The following TRRAP variants were observed in gnomAD, a reference collection of about 807,000 sequenced individuals.
TRRAP encodes the protein transformation/transcription domain associated protein, also known as transformation/transcription domain-associated protein.
Under a neutral mutation model 438.8 loss-of-function variants are expected in TRRAP, and 41 were observed. That is an observed-to-expected ratio of 0.09 (90% CI 0.07 to 0.12). TRRAP has a LOEUF of 0.12. Ranked by LOEUF, TRRAP falls within the 10% of genes least tolerant of loss-of-function variation. The probability of loss-of-function intolerance (pLI) is 1.00; values close to 1 mark genes in which losing one functional copy is unlikely to be tolerated. For missense variants in TRRAP, 3,122 were observed against 5,055.1 expected, an observed-to-expected ratio of 0.62 and a Z score of 11.60; for synonymous variants, 1,994 against 1,962.9, an observed-to-expected ratio of 1.02 and a Z score of -0.42.
chr7:98,992,275 C>T, intron 65 of TRRAP, 48 bp downstream of exon 65: 1 of 1,593,724 alleles, frequency 6.3e-7, no homozygotes, highest in South Asian at 1.1e-5. Context: ...GGGCTCATTC[C>T]AGGGGGTGCC....
At chr7:98,936,311 G>T (rs1790554312) in intron 28 of TRRAP, among the ~76,000 whole-genome samples, 1 of 152,158 alleles carries the variant, frequency 6.6e-6, no homozygotes, top group African/African-American at 2.4e-5. Flanking sequence ...CATAATACCT[G>T]AGCTAGAAGA....
At chr7:98,929,605 A>G (rs1364738780) in intron 23 of TRRAP, among the ~76,000 whole-genome samples, 2 of 150,216 alleles carry the variant, frequency 1.3e-5, no homozygotes, top group African/African-American at 2.5e-5. Flanking sequence ...TTTTTTTTTT[A>G]ATTTATTTTT....
chr7:99,002,927 C>A (rs185372989), intron 67 of TRRAP, among the ~76,000 whole-genome samples: 1,613 of 152,282 alleles, frequency 0.011, 11 homozygotes, highest in Non-Finnish European at 0.016. Context: ...TTCATCCTTT[C>A]GGGGCAGGTG....
Position 98,910,223 on chromosome 7 carries a change from A to ACC in TRRAP, c.1519_1520dup (p.Pro508LeufsTer13), listed in dbSNP as rs2116406178. 1 of 257,396 alleles carries ACC rather than the reference A, an allele frequency of 3.9e-6. No individual in the cohort carries two copies. Among genetic ancestry groups the ACC allele is most frequent in the Non-Finnish European group, 6.0e-6 (1 of 166,688 alleles). The allele number at this position is 257,396 out of a possible 1,614,324, so 15.9% of individuals were successfully genotyped here. A position where few individuals can be genotyped will look rare whatever the true frequency, so the allele number is the denominator to read the frequency against. On this transcript the variant is annotated frameshift_variant, in exon 15 of 73. Coordinates refer to ENST00000456197, the MANE Select transcript of TRRAP (RefSeq NM_001375524.1). LOFTEE classifies it high-confidence loss of function. ...CCTCCCCAGCCCCTGTCCCTGCCCC[A>ACC]CCTCCACCCCCGCCCCCACCCCCAC...
At position 98,908,632 on chromosome 7, in the gene TRRAP, G is replaced by A. The variant is rs972955661; in HGVS notation, c.1116-96G>A. 4 of 1,096,862 alleles carry A rather than the reference G, an allele frequency of 3.6e-6. No individual in the cohort carries two copies. The highest frequency in any genetic ancestry group is 2.7e-4 in the Middle Eastern group (1 of 3,764). The allele number at this position is 1,096,862 out of a possible 1,614,324, so 67.9% of individuals were successfully genotyped here. A position where few individuals can be genotyped will look rare whatever the true frequency, so the allele number is the denominator to read the frequency against. Reference sequence around the variant, plus strand: ...GCCATGTAAGTGTGCCGACCCAGGGGTGGTGTTCCTGGGGCAGATGGTGAT... The same window carrying A: ...GCCATGTAAGTGTGCCGACCCAGGGATGGTGTTCCTGGGGCAGATGGTGAT... On this transcript the variant is annotated intron_variant, in intron 13 of 72. Transcript: ENST00000456197. The surrounding 1 kb of genome is among the most constrained non-coding windows in gnomAD (Gnocchi z 4.1).
At chr7:98,952,294 C>T (rs1390422678) in intron 39 of TRRAP, among the ~76,000 whole-genome samples, 2 of 152,140 alleles carry the variant, frequency 1.3e-5, no homozygotes, top group African/African-American at 2.4e-5. Flanking sequence ...GCTTTCAAAA[C>T]TGCAACAATT....
intron 70 of TRRAP, among the ~76,000 whole-genome samples, chr7:99,010,590 G>A (rs1014565705): frequency 7.0e-6 from 1 of 143,206 alleles, no homozygotes; most frequent in Non-Finnish European, 1.6e-5. Context: ...TGAGTCTCTA[G>A]TACAGAGTTC....
At chr7:99,000,676 A>G (rs2116841422) in intron 67 of TRRAP, among the ~76,000 whole-genome samples, 1 of 152,322 alleles carries the variant, frequency 6.6e-6, no homozygotes, top group South Asian at 2.1e-4. Flanking sequence ...TCTCTGCCCC[A>G]GCGCTGGGAT....
At chr7:98,970,740 G>A (rs1041450780) in intron 52 of TRRAP, among the ~76,000 whole-genome samples, 2 of 152,122 alleles carry the variant, frequency 1.3e-5, no homozygotes, top group Admixed American at 1.3e-4. Context: ...AGAAAAGCCC[G>A]TGTTCATTAC....
At chr7:98,945,473 C>G (rs1459239320) in intron 31 of TRRAP, among the ~76,000 whole-genome samples, 1 of 152,184 alleles carries the variant, frequency 6.6e-6, no homozygotes, top group African/African-American at 2.4e-5. Context: ...CAGTTTCTCC[C>G]CTTTCACAAG....
chr7:98,880,437 T>C (rs782387953), intron 1 of TRRAP, among the ~76,000 whole-genome samples: 2 of 151,992 alleles, frequency 1.3e-5, no homozygotes, highest in African/African-American at 2.4e-5. Context: ...CTAATTTTTG[T>C]ATTTTTAGTA....
chr7:98,946,230 C>T (rs575371781), intron 33 of TRRAP, among the ~76,000 whole-genome samples: 3 of 152,266 alleles, frequency 2.0e-5, no homozygotes, highest in South Asian at 2.1e-4. Context: ...ATTTTGTGTT[C>T]GTAACCTCTA....
intron 28 of TRRAP, 110 bp downstream of exon 28, chr7:98,935,785 G>T: frequency 3.8e-6 from 3 of 786,516 alleles, no homozygotes; most frequent in African/African-American, 1.7e-5. Flanking sequence ...ATGACTTTTT[G>T]TAGTCTTTTT....
rs573984801 is a variant in TRRAP, at chr7:99,010,841, T to C, written c.10939-211T>C. ...ACGCAGACCAGCCGCATTGGTGCTTTAGAGCAGACAGTGGCGAACCCTGGA... is the reference window on the plus strand; with the variant it reads ...ACGCAGACCAGCCGCATTGGTGCTTCAGAGCAGACAGTGGCGAACCCTGGA... On this transcript the variant is annotated intron_variant, in intron 70 of 72. Coordinates refer to ENST00000456197, the MANE Select transcript of TRRAP (RefSeq NM_001375524.1). Among the ~76,000 whole-genome samples, 48 of 152,326 alleles carry C rather than the reference T, an allele frequency of 3.2e-4. 1 individual carries two copies. Among genetic ancestry groups the C allele is most frequent in the African/African-American group, 1.1e-3 (46 of 41,574 alleles).
chr7:98,974,805 C>T (rs1172135444), intron 53 of TRRAP, among the ~76,000 whole-genome samples: 1 of 152,214 alleles, frequency 6.6e-6, no homozygotes, highest in Non-Finnish European at 1.5e-5. Flanking sequence ...GTAAACATGG[C>T]ACCCATAGGC....
chr7:98,968,775 G>A (rs1386525540), intron 51 of TRRAP, among the ~76,000 whole-genome samples: 1 of 152,218 alleles, frequency 6.6e-6, no homozygotes, highest in African/African-American at 2.4e-5. Flanking sequence ...TTTCCTGTTC[G>A]TGCCGGATGG....
chr7:98,937,464 T>A (rs529709589), intron 29 of TRRAP, among the ~76,000 whole-genome samples, 186 bp from the exon 30 acceptor site: 5 of 152,372 alleles, frequency 3.3e-5, no homozygotes, highest in Non-Finnish European at 5.9e-5. Context: ...CTGAGTTTTT[T>A]AAAATATTAA....
In TRRAP at chr7:98,893,869, G is replaced by A. The variant is rs140309392; in HGVS notation, c.438G>A (p.Pro146=). Reference sequence around the variant, plus strand: ...AGCTACACAAACAGTTCAGGCCACCGATCACACAAGAAGTAAGTTGTTTAA... The same window carrying A: ...AGCTACACAAACAGTTCAGGCCACCAATCACACAAGAAGTAAGTTGTTTAA... ...IIELHKQFRP[P]ITQEIHHFLD... is the part of the protein sequence containing the mutation. Residue 146 remains proline (P), a synonymous_variant, in exon 6 of 73, where the codon CCG becomes CCA. Transcript: ENST00000456197. 11 of 1,613,370 alleles carry A rather than the reference G, an allele frequency of 6.8e-6. No homozygotes were observed. Among genetic ancestry groups the A allele is most frequent in the Admixed American group, 1.7e-5 (1 of 59,882 alleles).
intron 67 of TRRAP, among the ~76,000 whole-genome samples, chr7:98,995,079 GAA>G (rs1431972048): frequency 1.3e-5 from 2 of 152,210 alleles, no homozygotes; most frequent in African/African-American, 4.8e-5. Context: ...AGACGGGGTA[GAA>G]AATGCATGGT....
Sources: allele counts gnomAD v4.1 joint callset (sites outside exome capture counted in the v4.1 genomes callset), GRCh38; gene constraint gnomAD v4.1.1; non-coding constraint Gnocchi (gnomAD v3.1); transcripts MANE v1.5; gene names NCBI Gene and HGNC (gene_info 2026-07-23, HGNC 2026-07-21).